DNER: variants seen among roughly 807,000 people sequenced by gnomAD.
The protein encoded by DNER is delta/notch like EGF repeat containing, also known as delta and Notch-like epidermal growth factor-related receptor.
DNER carries 33 observed loss-of-function variants against 78.2 expected under a neutral mutation model. The ratio of observed to expected loss-of-function variants is 0.42; its 90% CI spans 0.32 to 0.56. The LOEUF is 0.56. DNER is among the 20% of genes least tolerant of loss of function. The pLI is 0.11. For synonymous variants in DNER, 417 were observed against 384.8 expected (o/e 1.08, Z -0.98); for missense variants, 918 against 975.3 (o/e 0.94, Z 0.78).
chr2:229,450,690 A>C (rs533809959), intron 7 of DNER, among the ~76,000 whole-genome samples: 1 of 152,328 alleles, frequency 6.6e-6, no homozygotes, highest in East Asian at 1.9e-4. Context: ...ATGCCTGTGC[A>C]CAAAGGAAAA....
intron 9 of DNER, among the ~76,000 whole-genome samples, chr2:229,415,773 A>G (rs976782853): frequency 7.9e-5 from 12 of 152,194 alleles, no homozygotes; most frequent in African/African-American, 2.9e-4. Context: ...CCTCAAATAT[A>G]AACAACAAAC....
chr2:229,566,155 T>C (rs1697102394), intron 4 of DNER, among the ~76,000 whole-genome samples: 1 of 152,186 alleles, frequency 6.6e-6, no homozygotes, highest in African/African-American at 2.4e-5. Context: ...AGTCCGGGAA[T>C]CAGGTCTTCA....
chr2:229,687,700 A>C (rs1485145345), intron 1 of DNER, among the ~76,000 whole-genome samples: 4 of 152,198 alleles, frequency 2.6e-5, no homozygotes, highest in African/African-American at 9.7e-5. Context: ...CAATTGATAG[A>C]GGTGCCCATT....
chr2:229,581,523 G>A (rs897238280), intron 4 of DNER, among the ~76,000 whole-genome samples: 2 of 152,182 alleles, frequency 1.3e-5, no homozygotes, highest in Admixed American at 6.5e-5. Context: ...CAGAAGAGTC[G>A]AAATTTGGTG....
intron 5 of DNER, among the ~76,000 whole-genome samples, chr2:229,537,994 A>G (rs559436676): frequency 1.3e-5 from 2 of 152,304 alleles, no homozygotes; most frequent in Middle Eastern, 3.4e-3. Context: ...TTTTAATTAC[A>G]TTAGTACCAA....
At chr2:229,379,421 G>C (rs1031910049) in intron 11 of DNER, among the ~76,000 whole-genome samples, 1 of 152,124 alleles carries the variant, frequency 6.6e-6, no homozygotes, top group Non-Finnish European at 1.5e-5. Flanking sequence ...GTTAGAATAT[G>C]ATGGAGCTTG....
intron 6 of DNER, among the ~76,000 whole-genome samples, chr2:229,491,148 T>A (rs1695389741): frequency 6.6e-6 from 1 of 152,158 alleles, no homozygotes; most frequent in Admixed American, 6.5e-5. Context: ...ATAGGTTCTC[T>A]CGGGCACTGT....
chr2:229,674,663 C>A (rs1699272455), intron 1 of DNER, among the ~76,000 whole-genome samples: 3 of 152,216 alleles, frequency 2.0e-5, no homozygotes, highest in African/African-American at 7.2e-5. Context: ...AGGGTCATCT[C>A]TTATCATGTC....
At chr2:229,459,943 G>T (rs995422656) in intron 7 of DNER, among the ~76,000 whole-genome samples, 8 of 151,682 alleles carry the variant, frequency 5.3e-5, no homozygotes, top group Non-Finnish European at 7.4e-5. Context: ...GGATCACAAG[G>T]TCAAAAGATC....
intron 5 of DNER, among the ~76,000 whole-genome samples, chr2:229,532,935 G>T (rs1337533856): frequency 1.3e-5 from 2 of 152,154 alleles, no homozygotes; most frequent in Admixed American, 6.5e-5. Context: ...GCTGGGCATG[G>T]GGGTGTGGGT....
chr2:229,667,698 T>C (rs991235154), intron 1 of DNER, among the ~76,000 whole-genome samples: 1 of 152,166 alleles, frequency 6.6e-6, no homozygotes, highest in Non-Finnish European at 1.5e-5. Context: ...CTGACAAGGG[T>C]AGTGTCCTAA....
intron 1 of DNER, among the ~76,000 whole-genome samples, chr2:229,648,401 C>G (rs1348776225): frequency 2.6e-5 from 4 of 152,206 alleles, no homozygotes; most frequent in African/African-American, 9.6e-5. Context: ...GTATTTAACT[C>G]AAAGCATATA....
intron 6 of DNER, among the ~76,000 whole-genome samples, chr2:229,488,263 C>T (rs1188246668): frequency 6.6e-6 from 1 of 152,188 alleles, no homozygotes; most frequent in Non-Finnish European, 1.5e-5. Flanking sequence ...AAAGAAGTGC[C>T]CTTGATGGCT....
intron 1 of DNER, among the ~76,000 whole-genome samples, chr2:229,706,672 T>A (rs565349346): frequency 3.9e-5 from 6 of 152,328 alleles, no homozygotes; most frequent in African/African-American, 1.4e-4. Flanking sequence ...CGCAAACGTA[T>A]GTGGCTGTGC....
chr2:229,470,338 C>T (rs1445246022), intron 7 of DNER, among the ~76,000 whole-genome samples: 1 of 152,074 alleles, frequency 6.6e-6, no homozygotes. Context: ...GAACCATTTT[C>T]AAAGGGGAAA....
intron 2 of DNER, among the ~76,000 whole-genome samples, chr2:229,590,797 G>A (rs139148367): frequency 2.6e-5 from 4 of 152,362 alleles, no homozygotes; most frequent in Non-Finnish European, 5.9e-5. Context: ...ATTTGGATCT[G>A]TGTCTTCAAA....
chr2:229,447,574 A>C, intron 7 of DNER, 34 bp from the exon 8 acceptor site: 1 of 1,597,734 alleles, frequency 6.3e-7, no homozygotes, highest in Non-Finnish European at 8.5e-7. Flanking sequence ...TAAAAAAACT[A>C]AAACACATTT....
chr2:229,390,654 C>A (rs975395350), intron 10 of DNER, among the ~76,000 whole-genome samples: 1 of 152,224 alleles, frequency 6.6e-6, no homozygotes, highest in South Asian at 2.1e-4. Flanking sequence ...CCAACTAGGG[C>A]CAAACCTATC....
intron 1 of DNER, among the ~76,000 whole-genome samples, chr2:229,648,557 T>C (rs116150828): frequency 0.016 from 2,392 of 152,356 alleles, 32 homozygotes; most frequent in Middle Eastern, 0.041. Context: ...TCGCTGTAGC[T>C]ACTGCATTTC....
Sources: gnomAD v4.1 joint callset for allele counts (sites outside exome capture counted in the v4.1 genomes callset) on GRCh38, gnomAD v4.1.1 for gene constraint, MANE v1.5 for transcripts, NCBI Gene and HGNC (gene_info 2026-07-23, HGNC 2026-07-21) for gene names.